Variants in DOCK8 observed in about 807,000 individuals in gnomAD.
DOCK8 encodes the protein dedicator of cytokinesis protein 8.
A neutral mutation model predicts 245.6 loss-of-function variants in DOCK8; 141 were observed. That is an observed-to-expected ratio of 0.57 (90% CI 0.50 to 0.66). The LOEUF (loss-of-function observed/expected upper bound fraction) is 0.66, where lower values mean the gene tolerates loss of function less well. Ranked by LOEUF, DOCK8 falls within the 30% of genes least tolerant of loss-of-function variation. The pLI, the probability that DOCK8 is intolerant of heterozygous loss-of-function variation, is 0.00. For synonymous variants in DOCK8, 1,168 were observed against 970.2 expected (o/e 1.20, Z -3.79); for missense variants, 2,965 against 2,603.4 (o/e 1.14, Z -3.02).
Position 258,350 on chromosome 9 carries a change from C to T in DOCK8, c.54-13277C>T, listed in dbSNP as rs183500691. Among the ~76,000 whole-genome samples, 103 of 56,958 alleles carry T rather than the reference C, an allele frequency of 1.8e-3. 1 individual carries two copies. Among genetic ancestry groups the T allele is most frequent in the African/African-American group, 5.2e-3 (101 of 19,502 alleles). The allele number at this position is 56,958 out of a possible 152,430, so 37.4% of individuals were successfully genotyped here. A position where few individuals can be genotyped will look rare whatever the true frequency, so the allele number is the denominator to read the frequency against. On this transcript the variant is annotated intron_variant, in intron 1 of 47. Coordinates refer to ENST00000432829, the MANE Select transcript of DOCK8 (RefSeq NM_203447.4). ...CCTTTCATGAATATACAGCATGTGG[C>T]CTCTAAATTGGCCAAGGAGCTGGCT...
chr9:350,930 C>G (rs866055702), intron 14 of DOCK8, among the ~76,000 whole-genome samples: 3 of 152,100 alleles, frequency 2.0e-5, no homozygotes, highest in South Asian at 2.1e-4. Context: ...AGATTCATAC[C>G]CTTTCTCCCA....
intron 1 of DOCK8, among the ~76,000 whole-genome samples, chr9:262,928 A>C (rs112416523): frequency 0.032 from 4,920 of 151,986 alleles, 244 homozygotes; most frequent in African/African-American, 0.11. Context: ...TGATATAGGC[A>C]GGGCACGGTG....
Position 230,282 on chromosome 9 carries a change from T to G in DOCK8, c.53+15253T>G, listed in dbSNP as rs1229810261. ...TATTCCACGGTGTATATGTGCCACA[T>G]TTTCTTAATCCAGTCTATCGTTGGG... On this transcript the variant is annotated intron_variant, in intron 1 of 47. Coordinates refer to ENST00000432829, the MANE Select transcript of DOCK8 (RefSeq NM_203447.4). Among the ~76,000 whole-genome samples the G allele has an allele frequency of 3.6e-5, 5 of 140,040 alleles. No homozygotes were observed. In the South Asian group the frequency reaches 6.8e-4, roughly 19 times the overall value. 91.9% of individuals were successfully genotyped at this position (140,040 alleles called of 152,430 possible).
rs1476495561 is a variant in DOCK8 at position 404,981 on chromosome 9, C to G, written c.3298C>G (p.Leu1100Val). 25 of 1,613,886 alleles carry G rather than the reference C, an allele frequency of 1.5e-5. No individual in the cohort carries two copies. Among genetic ancestry groups the G allele is most frequent in the Non-Finnish European group, 2.0e-5 (24 of 1,179,962 alleles). The change falls in exon 27 of 48, where the codon CTC (leucine) becomes GTC (valine). Residue 1100 changes from leucine (L) to valine (V), a missense_variant. Leu to Val is a conservative substitution (Grantham distance 32, BLOSUM62 1). This residue lies in a region of DOCK8 where 2,825 missense variants were observed against 2,453.5 expected (regional missense o/e 1.15). Transcript: ENST00000432829. ...ISMRLEFLRI[L>V]CSHEHYLNLN... ...CATGAGGCTAGAGTTCCTGAGAATC[C>G]TCTGTAGCCATGAGCATTACCTCAA...
intron 3 of DOCK8, 75 bp downstream of exon 3, chr9:286,711 C>A: frequency 2.2e-6 from 3 of 1,382,188 alleles, no homozygotes; most frequent in East Asian, 2.3e-5. Context: ...GGGGAGATGC[C>A]TTCAATCTGA....
intron 7 of DOCK8, among the ~76,000 whole-genome samples, chr9:324,605 G>A (rs1025388785): frequency 6.6e-6 from 1 of 152,128 alleles, no homozygotes; most frequent in African/African-American, 2.4e-5. Context: ...TGGGGCCCAG[G>A]CACCTCAGTG....
intron 1 of DOCK8, among the ~76,000 whole-genome samples, chr9:270,288 C>G (rs769546178): frequency 2.6e-5 from 4 of 152,232 alleles, no homozygotes; most frequent in Non-Finnish European, 2.9e-5. Flanking sequence ...CGGGCCACCA[C>G]TAGGATGAAG....
chr9:267,021 A>G (rs902951439), intron 1 of DOCK8, among the ~76,000 whole-genome samples: 22 of 152,230 alleles, frequency 1.4e-4, no homozygotes, highest in Admixed American at 6.5e-4. Flanking sequence ...GTGGAGACAG[A>G]TGTCCCCCTT....
chr9:261,989 G>C (rs2047927268), intron 1 of DOCK8, among the ~76,000 whole-genome samples: 1 of 116,602 alleles, frequency 8.6e-6, no homozygotes, highest in Admixed American at 1.0e-4. Context: ...TGTGTCAAAA[G>C]AAAGAAGGAG....
At chr9:221,258 C>A (rs746815028) in intron 1 of DOCK8, among the ~76,000 whole-genome samples, 1 of 152,084 alleles carries the variant, frequency 6.6e-6, no homozygotes, top group East Asian at 1.9e-4. Context: ...GGCAACAGAA[C>A]CAGTTTCTCC....
chr9:375,781 G>C lies in DOCK8; in HGVS notation c.2110-429G>C, dbSNP rs544677272. Among the ~76,000 whole-genome samples the C allele has an allele frequency of 1.7e-3, 256 of 152,288 alleles. 3 individuals are homozygous for C. The highest frequency in any genetic ancestry group is 6.0e-3 in the African/African-American group (249 of 41,578). ...GGAGGCTGAAGTGGGCAGATCACTTGAGCCCAGAAGTTTGAGACCAGCTTG... is the reference window on the plus strand; with the variant it reads ...GGAGGCTGAAGTGGGCAGATCACTTCAGCCCAGAAGTTTGAGACCAGCTTG... On this transcript the variant is annotated intron_variant, in intron 18 of 47. Coordinates refer to ENST00000432829, the MANE Select transcript of DOCK8 (RefSeq NM_203447.4).
At chr9:463,823 G>C in intron 47 of DOCK8, 136 bp downstream of exon 47, 1 of 1,015,574 alleles carries the variant, frequency 9.8e-7, no homozygotes, top group Non-Finnish European at 1.5e-6. Flanking sequence ...CACAGTCAGA[G>C]AGGCTACCAG....
In DOCK8 at chr9:382,748, G is replaced by T. The variant is rs1563989068; in HGVS notation, c.2778+63G>T. 7.6e-6 allele frequency: 12 copies of T among 1,581,946 alleles called. 1 individual carries two copies. The highest frequency in any genetic ancestry group is 1.0e-5 in the Non-Finnish European group (12 of 1,164,036). On this transcript the variant is annotated intron_variant, in intron 22 of 47. Coordinates refer to ENST00000432829, the MANE Select transcript of DOCK8 (RefSeq NM_203447.4). ...TTTTTTATTTTTTAACTAAAACTTG[G>T]AGAAGTAACACAGAAGCAACCACTA...
At chr9:389,973 T>C (rs1046406120) in intron 23 of DOCK8, among the ~76,000 whole-genome samples, 4 of 151,888 alleles carry the variant, frequency 2.6e-5, no homozygotes, top group African/African-American at 9.7e-5. Flanking sequence ...GTGAGCGAGA[T>C]TACGCCACCG....
At chr9:309,778 G>GTCTA (rs2050016675) in intron 5 of DOCK8, among the ~76,000 whole-genome samples, 1 of 152,168 alleles carries the variant, frequency 6.6e-6, no homozygotes, top group African/African-American at 2.4e-5. Context: ...CAGCTTTGGT[G>GTCTA]TCTATACACA....
intron 1 of DOCK8, chr9:215,386 G>C (rs2046725178): frequency 1.9e-6 from 3 of 1,584,658 alleles, no homozygotes; most frequent in Non-Finnish European, 2.6e-6. Context: ...GCGCGCCACG[G>C]AGTGTCTCAT....
rs13287340 is a variant in DOCK8, at chr9:429,395, A to G, written c.4474-307A>G. On this transcript the variant is annotated intron_variant, in intron 35 of 47. Coordinates refer to ENST00000432829, the MANE Select transcript of DOCK8 (RefSeq NM_203447.4). ...CTTTCTTCATCACCAGTAATTTCCC[A>G]GGAACCCAAGAAACTCAGGTTTCCT... 0.012 allele frequency among the ~76,000 whole-genome samples: 1,863 copies of G among 152,318 alleles called. 19 individuals carry two copies. The highest frequency in any genetic ancestry group is 0.018 in the Non-Finnish European group (1,207 of 68,028).
intron 14 of DOCK8, among the ~76,000 whole-genome samples, chr9:360,635 T>C (rs1431992112): frequency 6.6e-6 from 1 of 152,136 alleles, no homozygotes; most frequent in African/African-American, 2.4e-5. Flanking sequence ...GGTTTTGAGG[T>C]TTTACTTTTC....
Position 463,704 on chromosome 9 carries a change from G to A in DOCK8, c.6239+17G>A. Reference sequence around the variant, plus strand: ...TCAAAAGAGGTAAGAACAGGGCAGAGGAGGCCTCTTCCTGTGGGATAAAGA... The same window carrying A: ...TCAAAAGAGGTAAGAACAGGGCAGAAGAGGCCTCTTCCTGTGGGATAAAGA... On this transcript the variant is annotated intron_variant, in intron 47 of 47. Transcript: ENST00000432829. 6.2e-7 allele frequency: 1 copy of A among 1,613,718 alleles called. No individual in the cohort carries two copies. Among genetic ancestry groups the A allele is most frequent in the Non-Finnish European group, 8.5e-7 (1 of 1,180,004 alleles).
Sources: gnomAD v4.1 joint callset for allele counts (sites outside exome capture counted in the v4.1 genomes callset) on GRCh38, gnomAD v4.1.1 for gene constraint, gnomAD v4.1.1 regional missense constraint, MANE v1.5 for transcripts, NCBI Gene and HGNC (gene_info 2026-07-23, HGNC 2026-07-21) for gene names.